The following ZNF423 variants were observed in gnomAD, a reference collection of about 807,000 sequenced individuals.
ZNF423 encodes zinc finger protein 423, also known as Ebf-associated zinc finger protein.
A neutral mutation model predicts 95.8 loss-of-function variants in ZNF423; 12 were observed. The ratio of observed to expected loss-of-function variants is 0.13; its 90% confidence interval spans 0.08 to 0.20. The LOEUF is 0.20. Ranked by LOEUF, ZNF423 falls within the 10% of genes least tolerant of loss-of-function variation. The pLI, the probability that ZNF423 is intolerant of heterozygous loss-of-function variation, is 1.00. For synonymous variants in ZNF423, 749 were observed against 711.9 expected, an observed-to-expected ratio of 1.05 and a Z score of -0.83; for missense variants, 1,316 against 1,737.1, an observed-to-expected ratio of 0.76 and a Z score of 4.31.
chr16:49,570,923 G>A (rs913153305), intron 5 of ZNF423, among the ~76,000 whole-genome samples: 34 of 152,190 alleles, frequency 2.2e-4, no homozygotes, highest in Non-Finnish European at 1.9e-4. Flanking sequence ...GGTCCTGCCC[G>A]TGTGCTGGGG....
rs201361462 is a variant in ZNF423 at position 49,590,029 on chromosome 16, A to AATATATATATATATAT, written c.3601+36125_3601+36140dup. On this transcript the variant is annotated intron_variant, in intron 5 of 7. Coordinates refer to ENST00000563137, the MANE Select transcript of ZNF423 (RefSeq NM_001379286.1). ...GGGATGGGGTAAAGGGGAAGTGGCG[A>AATATATATATATATAT]ATATATATATATATATATATATTTG... Among the ~76,000 whole-genome samples, 392 of 97,560 alleles carry AATATATATATATATAT rather than the reference A, an allele frequency of 4.0e-3. 19 individuals carry two copies. The highest frequency in any genetic ancestry group is 5.7e-3 in the African/African-American group (155 of 27,260). 64.0% of individuals were successfully genotyped at this position (97,560 alleles called of 152,430 possible). A position where few individuals can be genotyped will look rare whatever the true frequency, so the allele number is the denominator to read the frequency against.
chr16:49,674,043 G>C (rs1273400983), intron 3 of ZNF423, among the ~76,000 whole-genome samples: 3 of 152,204 alleles, frequency 2.0e-5, no homozygotes, highest in Non-Finnish European at 4.4e-5. Context: ...AATAGCCAGA[G>C]CAAAGGCAAG....
chr16:49,669,055 C>T (rs1000786904), intron 3 of ZNF423, among the ~76,000 whole-genome samples: 4 of 152,094 alleles, frequency 2.6e-5, no homozygotes, highest in Non-Finnish European at 5.9e-5. Flanking sequence ...CTCAACCATG[C>T]GCGGCAGCTC....
intron 1 of ZNF423, among the ~76,000 whole-genome samples, chr16:49,807,598 G>A (rs2034685805): frequency 6.6e-6 from 1 of 152,144 alleles, no homozygotes; most frequent in Admixed American, 6.5e-5. Flanking sequence ...TTTGGGAGGG[G>A]GACATTTCAC....
At chr16:49,668,278 T>G (rs1458272161) in intron 3 of ZNF423, among the ~76,000 whole-genome samples, 1 of 152,120 alleles carries the variant, frequency 6.6e-6, no homozygotes, top group Non-Finnish European at 1.5e-5. Flanking sequence ...GGAAAACATT[T>G]TACAGACTTA....
At chr16:49,633,400 T>C (rs965980584) in intron 4 of ZNF423, among the ~76,000 whole-genome samples, 4 of 152,164 alleles carry the variant, frequency 2.6e-5, no homozygotes, top group South Asian at 2.1e-4. Flanking sequence ...TCACAAATGA[T>C]GGGGAACAGG....
At chr16:49,780,275 T>C (rs1597000557) in intron 2 of ZNF423, among the ~76,000 whole-genome samples, 1 of 152,066 alleles carries the variant, frequency 6.6e-6, no homozygotes, top group African/African-American at 2.4e-5. Flanking sequence ...TGGAGCCCAA[T>C]GGGGGCCCCA....
At chr16:49,690,669 G>A (rs755305095) in intron 3 of ZNF423, among the ~76,000 whole-genome samples, 1 of 152,330 alleles carries the variant, frequency 6.6e-6, no homozygotes, top group African/African-American at 2.4e-5. Flanking sequence ...AGGAGGCAGC[G>A]AGGGGGTACC....
intron 5 of ZNF423, among the ~76,000 whole-genome samples, chr16:49,579,663 T>C (rs548242564): frequency 2.0e-5 from 3 of 152,130 alleles, no homozygotes; most frequent in African/African-American, 7.2e-5. Context: ...AGTAACATAA[T>C]TCATGAGGGG....
intron 7 of ZNF423, among the ~76,000 whole-genome samples, chr16:49,494,695 A>G (rs533718312): frequency 6.6e-6 from 1 of 152,312 alleles, no homozygotes; most frequent in South Asian, 2.1e-4. Flanking sequence ...GTATCTCAAC[A>G]GGCAGAGGAG....
chr16:49,621,147 G>T (rs931250762), intron 5 of ZNF423, among the ~76,000 whole-genome samples: 1 of 152,180 alleles, frequency 6.6e-6, no homozygotes, highest in African/African-American at 2.4e-5. Flanking sequence ...TGGGGAAAGG[G>T]CGACTGGGCA....
intron 3 of ZNF423, among the ~76,000 whole-genome samples, chr16:49,677,297 A>AAGGGAAGGGAAGG (rs1567284051): frequency 1.8e-4 from 14 of 78,316 alleles, no homozygotes; most frequent in Non-Finnish European, 2.3e-4. Flanking sequence ...AGAAGAGAAG[A>AAGGGAAGGGAAGG]GAAGAGAAGA....
At chr16:49,761,208 A>G (rs1314792932) in intron 2 of ZNF423, among the ~76,000 whole-genome samples, 2 of 152,196 alleles carry the variant, frequency 1.3e-5, no homozygotes, top group Non-Finnish European at 2.9e-5. Flanking sequence ...TCTACCTCAT[A>G]GGACTGCTGG....
intron 1 of ZNF423, chr16:49,853,579 T>C (rs2035325215): frequency 2.1e-6 from 2 of 946,496 alleles, no homozygotes; most frequent in Non-Finnish European, 2.5e-6. Context: ...TCGAAATGCC[T>C]CCACTGGTCT....
At chr16:49,838,422 G>C (rs1444831064) in intron 1 of ZNF423, among the ~76,000 whole-genome samples, 3 of 152,234 alleles carry the variant, frequency 2.0e-5, no homozygotes, top group African/African-American at 4.8e-5. Context: ...CGAGTGTTAA[G>C]TGCTCAGAAC....
Position 49,627,432 on chromosome 16 carries a change from C to T in ZNF423, c.3517-1178G>A, listed in dbSNP as rs145140760. ...CACCCATCCATCCATCCTCCATCTA[C>T]CCATCCATCCATCTACATATATACC... On this transcript the variant is annotated intron_variant, in intron 4 of 7. Transcript: ENST00000563137. 2.5e-4 allele frequency among the ~76,000 whole-genome samples: 38 copies of T among 149,416 alleles called. 1 individual carries two copies. In the East Asian group the frequency reaches 7.7e-3, roughly 30 times the overall value.
chr16:49,548,500 AT>A (rs1453095059), intron 5 of ZNF423, among the ~76,000 whole-genome samples: 1 of 151,970 alleles, frequency 6.6e-6, no homozygotes, highest in Non-Finnish European at 1.5e-5. Context: ...CTAGTTGTAA[AT>A]TATGTTGCCG....
At chr16:49,779,463 C>T (rs2034173458) in intron 2 of ZNF423, among the ~76,000 whole-genome samples, 1 of 152,132 alleles carries the variant, frequency 6.6e-6, no homozygotes, top group Non-Finnish European at 1.5e-5. Flanking sequence ...TGCAGAATCT[C>T]AGGCCCTACC....
intron 5 of ZNF423, among the ~76,000 whole-genome samples, chr16:49,567,638 G>C (rs924628492): frequency 3.9e-4 from 60 of 152,198 alleles, no homozygotes; most frequent in African/African-American, 1.4e-3. Flanking sequence ...GCATTGAAAA[G>C]AGCCCAGCCC....
Sources: gnomAD v4.1 joint callset for allele counts (sites outside exome capture counted in the v4.1 genomes callset) on GRCh38, gnomAD v4.1.1 for gene constraint, MANE v1.5 for transcripts, NCBI Gene and HGNC (gene_info 2026-07-23, HGNC 2026-07-21) for gene names.